The following PARD3 variants were observed in gnomAD, a reference collection of about 807,000 sequenced individuals.
PARD3 encodes par-3 family cell polarity regulator.
A neutral mutation model predicts 155.4 loss-of-function variants in PARD3; 75 were observed. The ratio of observed to expected loss-of-function variants is 0.48; its 90% CI spans 0.40 to 0.58. PARD3 has a LOEUF of 0.58. Among genes scored for constraint, PARD3 ranks in the 20% least tolerant of loss-of-function variants. PARD3 has a pLI of 0.00. For synonymous variants in PARD3, 576 were observed against 610.5 expected (o/e 0.94, Z 0.83); for missense variants, 1,642 against 1,721.7 (o/e 0.95, Z 0.82).
At chr10:34,712,417 C>T (rs1362398227) in intron 1 of PARD3, among the ~76,000 whole-genome samples, 8 of 152,208 alleles carry the variant, frequency 5.3e-5, no homozygotes, top group African/African-American at 1.4e-4. Flanking sequence ...CATTCCATTC[C>T]TTCACCCTCA....
chr10:34,479,843 A>C (rs1363278914), intron 3 of PARD3, among the ~76,000 whole-genome samples: 1 of 152,072 alleles, frequency 6.6e-6, no homozygotes. Flanking sequence ...TGTTTTGCGG[A>C]CTCAGAGAGG....
intron 5 of PARD3, among the ~76,000 whole-genome samples, chr10:34,405,748 G>A (rs143898946): frequency 6.6e-5 from 10 of 152,248 alleles, no homozygotes; most frequent in Admixed American, 5.2e-4. Flanking sequence ...TAGCCACACC[G>A]CTAGCCAGAG....
At chr10:34,632,077 G>T (rs1220059781) in intron 2 of PARD3, among the ~76,000 whole-genome samples, 1 of 152,162 alleles carries the variant, frequency 6.6e-6, no homozygotes, top group Non-Finnish European at 1.5e-5. Context: ...TGGCCAACAT[G>T]GCGAAATTCC....
At chr10:34,417,032 C>T (rs1845740885) in intron 5 of PARD3, among the ~76,000 whole-genome samples, 1 of 152,140 alleles carries the variant, frequency 6.6e-6, no homozygotes, top group South Asian at 2.1e-4. Flanking sequence ...TCCTGTGGTC[C>T]CACCCAGAGG....
chr10:34,370,429 G>GT (rs1266107723), intron 12 of PARD3, among the ~76,000 whole-genome samples: 3 of 152,104 alleles, frequency 2.0e-5, no homozygotes, highest in East Asian at 1.9e-4. Context: ...CTGACTACAT[G>GT]TTTTTTATTG....
At position 34,450,245 on chromosome 10, in the gene PARD3, G is replaced by A. The variant is rs1052699726; in HGVS notation, c.714+72C>T. The A allele has an allele frequency of 4.4e-6, 6 of 1,378,394 alleles. No individual in the cohort carries two copies. In the Admixed American group the frequency reaches 1.3e-4, roughly 30 times the overall value. 85.4% of individuals were successfully genotyped at this position (1,378,394 alleles called of 1,614,324 possible). On this transcript the variant is annotated intron_variant, in intron 5 of 24. Transcript: ENST00000374788. ...TTTAATCATCACCAGTGATTGAGAT[G>A]GGAGAAACATCTTTGGGGTATGGGA...
At chr10:34,142,443 G>A (rs181354786) in intron 22 of PARD3, among the ~76,000 whole-genome samples, 84 of 152,140 alleles carry the variant, frequency 5.5e-4, no homozygotes, top group African/African-American at 1.8e-3. Flanking sequence ...GCTGAAGCAG[G>A]AGAATTGCTT....
intron 22 of PARD3, among the ~76,000 whole-genome samples, chr10:34,138,103 G>C (rs1947997165): frequency 6.6e-6 from 1 of 152,200 alleles, no homozygotes; most frequent in South Asian, 2.1e-4. Flanking sequence ...GCAAAAGCAT[G>C]TTGTTAGAAG....
At chr10:34,461,462 C>T (rs535771930) in intron 4 of PARD3, among the ~76,000 whole-genome samples, 11 of 152,042 alleles carry the variant, frequency 7.2e-5, no homozygotes, top group Admixed American at 5.9e-4. Flanking sequence ...AAAAATTAGC[C>T]GGGTGTGGTA....
At chr10:34,543,015 T>C (rs2083759073) in intron 2 of PARD3, among the ~76,000 whole-genome samples, 1 of 152,172 alleles carries the variant, frequency 6.6e-6, no homozygotes, top group African/African-American at 2.4e-5. Context: ...TAAGATGATA[T>C]GAAAGTGTCC....
At chr10:34,215,949 C>A (rs1197207079) in intron 22 of PARD3, among the ~76,000 whole-genome samples, 1 of 152,050 alleles carries the variant, frequency 6.6e-6, no homozygotes, top group African/African-American at 2.4e-5. Context: ...ACACTTTTTG[C>A]ATTAAATATG....
chr10:34,582,900 A>G (rs189651072), intron 2 of PARD3, among the ~76,000 whole-genome samples: 27 of 152,338 alleles, frequency 1.8e-4, no homozygotes, highest in African/African-American at 6.0e-4. Flanking sequence ...GCTGCCTGGA[A>G]TATCAGCCTG....
chr10:34,205,344 C>T (rs1951420367), intron 22 of PARD3, among the ~76,000 whole-genome samples: 1 of 152,094 alleles, frequency 6.6e-6, no homozygotes, highest in African/African-American at 2.4e-5. Context: ...ATATTCCTAT[C>T]TGGCCTAAAT....
At chr10:34,715,146 T>C (rs1029976619) in intron 1 of PARD3, among the ~76,000 whole-genome samples, 2 of 151,136 alleles carry the variant, frequency 1.3e-5, no homozygotes, top group Non-Finnish European at 2.9e-5. Flanking sequence ...GGTGCTATCA[T>C]AGCTCACTGC....
chr10:34,414,157 C>T (rs1019148309), intron 5 of PARD3, among the ~76,000 whole-genome samples: 6 of 151,304 alleles, frequency 4.0e-5, no homozygotes, highest in South Asian at 2.1e-4. Flanking sequence ...ATATTCATGC[C>T]GCTGCACTCC....
At chr10:34,575,908 A>AAAAG (rs1167569373) in intron 2 of PARD3, among the ~76,000 whole-genome samples, 1 of 152,114 alleles carries the variant, frequency 6.6e-6, no homozygotes, top group South Asian at 2.1e-4. Context: ...AAAAAAAAGA[A>AAAAG]AAAGAAAGAA....
rs1946362500 is a variant in PARD3 at position 34,111,152 on chromosome 10, A to T, written c.*17T>A. 1 of 1,525,824 alleles carries T rather than the reference A, an allele frequency of 6.6e-7. No homozygotes were observed. Among genetic ancestry groups the T allele is most frequent in the South Asian group, 1.3e-5 (1 of 76,920 alleles). The allele number at this position is 1,525,824 out of a possible 1,614,324, so 94.5% of individuals were successfully genotyped here. A position where few individuals can be genotyped will look rare whatever the true frequency, so the allele number is the denominator to read the frequency against. ...TGTCTTTTATTGCGCGACATGAAGC[A>T]TCCGTTATTTGCGTGCTCAGGAATA... is the stretch of plus-strand genomic sequence containing the variant. On this transcript the variant is annotated 3_prime_UTR_variant, in exon 25 of 25. Transcript: ENST00000374788.
chr10:34,235,965 C>T (rs893636947), intron 22 of PARD3, among the ~76,000 whole-genome samples: 10 of 151,964 alleles, frequency 6.6e-5, no homozygotes, highest in Middle Eastern at 3.4e-3. Flanking sequence ...ACAGAGATAC[C>T]GAGAAAACTC....
At chr10:34,455,444 G>T (rs904667682) in intron 4 of PARD3, among the ~76,000 whole-genome samples, 1 of 152,042 alleles carries the variant, frequency 6.6e-6, no homozygotes, top group Non-Finnish European at 1.5e-5. Context: ...ACTATTTTCA[G>T]GATATCTAAT....
Sources: gnomAD v4.1 joint callset for allele counts (sites outside exome capture counted in the v4.1 genomes callset) on GRCh38, gnomAD v4.1.1 for gene constraint, MANE v1.5 for transcripts, NCBI Gene and HGNC (gene_info 2026-07-23, HGNC 2026-07-21) for gene names.